Variants in RAVER2 observed in about 807,000 individuals in gnomAD.
The protein encoded by RAVER2 is ribonucleoprotein, PTB binding 2.
A neutral mutation model predicts 78.1 loss-of-function variants in RAVER2; 46 were observed. The ratio of observed to expected loss-of-function variants is 0.59; its 90% CI spans 0.46 to 0.75. RAVER2 has a LOEUF of 0.75. Among genes scored for constraint, RAVER2 ranks in the 30% least tolerant of loss-of-function variants. The pLI, the probability that RAVER2 is intolerant of heterozygous loss-of-function variation, is 0.00. For synonymous variants in RAVER2, 311 were observed against 313.3 expected (o/e 0.99, Z 0.08); for missense variants, 793 against 837.5 (o/e 0.95, Z 0.66).
At chr1:64,780,665 G>A (rs1003977412) in intron 3 of RAVER2, among the ~76,000 whole-genome samples, 1 of 152,110 alleles carries the variant, frequency 6.6e-6, no homozygotes, top group Non-Finnish European at 1.5e-5. Context: ...AACCTAGAAA[G>A]GTTTTAGTGT....
intron 1 of RAVER2, among the ~76,000 whole-genome samples, chr1:64,746,483 G>A (rs1367525598): frequency 6.6e-6 from 1 of 152,172 alleles, no homozygotes; most frequent in Non-Finnish European, 1.5e-5. Context: ...CCGGATGCAT[G>A]AAATTGCAAG....
At chr1:64,824,932 C>CAAAAAAAAAAAAAAAAAAAAAAAAA (rs56179197) in intron 11 of RAVER2, among the ~76,000 whole-genome samples, 16 of 79,390 alleles carry the variant, frequency 2.0e-4, no homozygotes, top group African/African-American at 7.0e-4. Context: ...CCCTGTCTCC[C>CAAAAAAAAAAAAAAAAAAAAAAAAA]AAAAAAAAAA....
At chr1:64,810,153 C>G (rs1311553710) in intron 9 of RAVER2, among the ~76,000 whole-genome samples, 1 of 152,196 alleles carries the variant, frequency 6.6e-6, no homozygotes, top group Non-Finnish European at 1.5e-5. Flanking sequence ...GAACTGTCAT[C>G]CTTTTTTCCA....
chr1:64,749,457 C>G (rs1404721683), intron 1 of RAVER2, among the ~76,000 whole-genome samples: 1 of 151,966 alleles, frequency 6.6e-6, no homozygotes, highest in Non-Finnish European at 1.5e-5. Flanking sequence ...GTGATCTGCC[C>G]GCCTCGGCCT....
chr1:64,753,337 A>G (rs978935494), intron 1 of RAVER2, among the ~76,000 whole-genome samples: 1 of 151,930 alleles, frequency 6.6e-6, no homozygotes, highest in African/African-American at 2.4e-5. Flanking sequence ...TTATAGGTGT[A>G]AGCCACCATG....
exon 9 of RAVER2, chr1:64,807,369 G>A (rs1366695864): frequency 2.5e-6 from 4 of 1,614,002 alleles, no homozygotes; most frequent in Non-Finnish European, 3.4e-6. Context: ...TCTCAGGGTC[G>A]CAGCCTTATC....
intron 11 of RAVER2, among the ~76,000 whole-genome samples, chr1:64,819,662 A>C (rs1278796061): frequency 6.6e-6 from 1 of 152,234 alleles, no homozygotes. Context: ...AGGATAAATA[A>C]AAGGAAATTT....
intron 1 of RAVER2, among the ~76,000 whole-genome samples, chr1:64,763,529 G>A (rs1652082455): frequency 6.6e-6 from 1 of 152,186 alleles, no homozygotes; most frequent in Non-Finnish European, 1.5e-5. Context: ...AGAAAGTAGA[G>A]CAATTGGCAC....
chr1:64,793,220 A>G (rs1181755060), intron 5 of RAVER2, among the ~76,000 whole-genome samples: 1 of 152,146 alleles, frequency 6.6e-6, no homozygotes, highest in Non-Finnish European at 1.5e-5. Context: ...GAAAAAAAAA[A>G]TTGTAATTCT....
intron 3 of RAVER2, among the ~76,000 whole-genome samples, chr1:64,779,027 T>C (rs1471196415): frequency 6.7e-6 from 1 of 149,542 alleles, no homozygotes; most frequent in Non-Finnish European, 1.5e-5. Context: ...ACAGTTAAAA[T>C]TGTATTTATC....
chr1:64,804,808 A>C (rs747993605), exon 7 of RAVER2: 15 of 1,558,986 alleles, frequency 9.6e-6, no homozygotes, highest in Non-Finnish European at 1.2e-5. Context: ...AACAACAATT[A>C]ATGAAGTTTG....
chr1:64,748,821 A>G (rs1651615426), intron 1 of RAVER2, among the ~76,000 whole-genome samples: 1 of 152,136 alleles, frequency 6.6e-6, no homozygotes. Flanking sequence ...CTACGTTTCC[A>G]GTCTCATTCC....
rs116851349 is a variant in RAVER2, at chr1:64,814,295, G to T, written c.1793-409G>T. On this transcript the variant is annotated intron_variant, in intron 10 of 11. Coordinates refer to ENST00000294428, the Ensembl canonical transcript of RAVER2. ...TTTTTAGTATTTTTATAGAGATGGG[G>T]TTTCACCATGTCACCTAAGCCAATC... Among the ~76,000 whole-genome samples the T allele has an allele frequency of 2.8e-3, 427 of 152,074 alleles. 5 individuals are homozygous for T. The highest frequency in any genetic ancestry group is 0.025 in the East Asian group (131 of 5,166).
intron 4 of RAVER2, among the ~76,000 whole-genome samples, chr1:64,782,838 C>G (rs1003239656): frequency 6.6e-6 from 1 of 152,146 alleles, no homozygotes; most frequent in Non-Finnish European, 1.5e-5. Flanking sequence ...CCCATCAACT[C>G]GTCATTACAC....
chr1:64,820,363 A>C (rs1024773263), intron 11 of RAVER2, among the ~76,000 whole-genome samples: 3 of 152,222 alleles, frequency 2.0e-5, no homozygotes, highest in African/African-American at 7.2e-5. Context: ...ATATCAAATG[A>C]AAATAGACTG....
At chr1:64,833,230 A>AC (rs1375851385), downstream of RAVER2, 4 of 218,912 alleles carry the variant, frequency 1.8e-5, no homozygotes, top group Non-Finnish European at 3.7e-5. Flanking sequence ...ATATGCATGT[A>AC]AAGTCTTTAG....
intron 2 of RAVER2, among the ~76,000 whole-genome samples, chr1:64,772,796 A>G (rs751725265): frequency 1.3e-5 from 2 of 152,180 alleles, no homozygotes; most frequent in Admixed American, 6.5e-5. Context: ...TTCTTGGAGA[A>G]TAAAGAGCTG....
chr1:64,776,821 G>A (rs1461139695), intron 2 of RAVER2, among the ~76,000 whole-genome samples: 2 of 152,110 alleles, frequency 1.3e-5, no homozygotes, highest in Non-Finnish European at 2.9e-5. Flanking sequence ...AGATATGAAT[G>A]TACATAATAT....
At chr1:64,763,673 G>A (rs1170323354) in intron 1 of RAVER2, among the ~76,000 whole-genome samples, 1 of 151,954 alleles carries the variant, frequency 6.6e-6, no homozygotes, top group Non-Finnish European at 1.5e-5. Flanking sequence ...CGGCTGAGAC[G>A]GGCGGATCAC....
Sources: gnomAD v4.1 joint callset for allele counts (sites outside exome capture counted in the v4.1 genomes callset) on GRCh38, gnomAD v4.1.1 for gene constraint, MANE v1.5 for transcripts, NCBI Gene and HGNC (gene_info 2026-07-23, HGNC 2026-07-21) for gene names.